RASAL2: variants seen among roughly 807,000 people sequenced by gnomAD.
The protein encoded by RASAL2 is RAS protein activator like 2.
In RASAL2, 58 loss-of-function variants were observed where a neutral mutation model predicts 128.9. That is an observed-to-expected ratio of 0.45 (90% CI 0.36 to 0.56). RASAL2 has a LOEUF of 0.56. RASAL2 is among the 20% of genes least tolerant of loss of function. The probability of loss-of-function intolerance (pLI) is 0.00; values close to 1 mark genes in which losing one functional copy is unlikely to be tolerated. For synonymous variants in RASAL2, 561 were observed against 580.8 expected (o/e 0.97, Z 0.49); for missense variants, 1,360 against 1,601.6 (o/e 0.85, Z 2.57).
chr1:178,414,296 G>A (rs1055022444), intron 4 of RASAL2, among the ~76,000 whole-genome samples: 2 of 152,182 alleles, frequency 1.3e-5, no homozygotes, highest in Non-Finnish European at 2.9e-5. Context: ...GCCAGGGGTT[G>A]GAGTGTGGGA....
intron 3 of RASAL2, among the ~76,000 whole-genome samples, chr1:178,347,899 C>T (rs1670233150): frequency 1.3e-5 from 2 of 152,202 alleles, no homozygotes; most frequent in Non-Finnish European, 2.9e-5. Flanking sequence ...TTTGAAACTA[C>T]CCAAATGCTC....
intron 1 of RASAL2, among the ~76,000 whole-genome samples, chr1:178,260,333 CAG>C (rs1201253239): frequency 1.2e-5 from 1 of 85,654 alleles, no homozygotes; most frequent in Admixed American, 1.6e-4. Flanking sequence ...GCCTGGGCGA[CAG>C]AGCGAGACTC....
At chr1:178,141,616 C>T (rs1660536475) in intron 1 of RASAL2, among the ~76,000 whole-genome samples, 1 of 152,074 alleles carries the variant, frequency 6.6e-6, no homozygotes. Flanking sequence ...CAACTGCTTC[C>T]TGCTTAATTG....
intron 1 of RASAL2, among the ~76,000 whole-genome samples, chr1:178,250,170 G>C (rs1206488383): frequency 6.6e-6 from 1 of 152,114 alleles, no homozygotes; most frequent in Admixed American, 6.5e-5. Flanking sequence ...CTGAAGCTGC[G>C]CCCACAGCCG....
intron 1 of RASAL2, among the ~76,000 whole-genome samples, chr1:178,188,099 A>G (rs183043370): frequency 6.6e-6 from 1 of 152,242 alleles, no homozygotes; most frequent in East Asian, 1.9e-4. Flanking sequence ...ATATCTCCCT[A>G]GCAGTTTTCT....
intron 1 of RASAL2, among the ~76,000 whole-genome samples, chr1:178,120,395 T>C (rs1432540976): frequency 6.6e-6 from 1 of 152,234 alleles, no homozygotes; most frequent in East Asian, 1.9e-4. Flanking sequence ...TAGAGTTAGC[T>C]TGTGGGCTTA....
chr1:178,472,416 G>C (rs1390090677), intron 17 of RASAL2, among the ~76,000 whole-genome samples: 1 of 152,082 alleles, frequency 6.6e-6, no homozygotes, highest in Non-Finnish European at 1.5e-5. Flanking sequence ...TGTGTTCTCT[G>C]TTTGTTCTCA....
chr1:178,199,263 T>G (rs1571619083), intron 1 of RASAL2, among the ~76,000 whole-genome samples: 1 of 152,152 alleles, frequency 6.6e-6, no homozygotes, highest in Non-Finnish European at 1.5e-5. Context: ...GCTTCCCGGG[T>G]GAGGTGATGC....
chr1:178,127,658 G>A (rs1375391203), intron 1 of RASAL2, among the ~76,000 whole-genome samples: 1 of 151,964 alleles, frequency 6.6e-6, no homozygotes, highest in Non-Finnish European at 1.5e-5. Flanking sequence ...GTTACTTTTA[G>A]GCTGGAGATA....
chr1:178,211,615 T>C (rs1663259429), intron 1 of RASAL2, among the ~76,000 whole-genome samples: 1 of 152,158 alleles, frequency 6.6e-6, no homozygotes, highest in Non-Finnish European at 1.5e-5. Context: ...TATTTGCCCA[T>C]GCTGTTCTCT....
At position 178,266,395 on chromosome 1, in the gene RASAL2, A is replaced by G. The variant is rs149331899; in HGVS notation, c.203-17169A>G. Among the ~76,000 whole-genome samples, 698 of 152,308 alleles carry G rather than the reference A, an allele frequency of 4.6e-3. 7 individuals carry two copies. The highest frequency in any genetic ancestry group is 0.014 in the African/African-American group (578 of 41,570). On this transcript the variant is annotated intron_variant, in intron 1 of 17. Coordinates refer to ENST00000367649, the MANE Select transcript of RASAL2 (RefSeq NM_170692.4). ...TTCTTTTTTGTGAAGTGAGCATTCA[A>G]GTCTTTTGCCTGTATTCAGCTGGTT... is the stretch of plus-strand genomic sequence containing the variant.
At chr1:178,105,528 G>A (rs2102231602) in intron 1 of RASAL2, among the ~76,000 whole-genome samples, 1 of 152,202 alleles carries the variant, frequency 6.6e-6, no homozygotes, top group Middle Eastern at 3.4e-3. Flanking sequence ...GTTTAATTCG[G>A]GCAGGATAGA....
intron 3 of RASAL2, among the ~76,000 whole-genome samples, chr1:178,321,872 C>T (rs1332761711): frequency 6.6e-6 from 1 of 151,662 alleles, no homozygotes; most frequent in East Asian, 1.9e-4. Flanking sequence ...TCTGTAATCC[C>T]AACTACTCGG....
intron 3 of RASAL2, among the ~76,000 whole-genome samples, chr1:178,308,728 A>G (rs963492128): frequency 3.3e-5 from 5 of 151,172 alleles, no homozygotes; most frequent in Non-Finnish European, 5.9e-5. Context: ...TTTTTAATTT[A>G]TTCTAGAGAC....
chr1:178,324,401 A>G (rs1050948388), intron 3 of RASAL2, among the ~76,000 whole-genome samples: 4 of 151,324 alleles, frequency 2.6e-5, no homozygotes, highest in African/African-American at 9.7e-5. Context: ...ACAGAGCAAG[A>G]CTCGATCTCT....
intron 3 of RASAL2, among the ~76,000 whole-genome samples, chr1:178,365,266 C>G (rs921865288): frequency 3.3e-5 from 5 of 152,208 alleles, no homozygotes; most frequent in African/African-American, 1.2e-4. Context: ...CAGCTCTAAT[C>G]TTATAATACC....
intron 3 of RASAL2, among the ~76,000 whole-genome samples, chr1:178,358,096 C>T (rs2102466330): frequency 6.6e-6 from 1 of 151,766 alleles, no homozygotes; most frequent in Non-Finnish European, 1.5e-5. Flanking sequence ...ATTAGCCAGG[C>T]GTGGTGGCAT....
chr1:178,421,664 A>G (rs1380143593), intron 5 of RASAL2, among the ~76,000 whole-genome samples: 1 of 151,720 alleles, frequency 6.6e-6, no homozygotes, highest in African/African-American at 2.4e-5. Context: ...TTTTTTTTCC[A>G]GTAAGTGACT....
intron 4 of RASAL2, among the ~76,000 whole-genome samples, chr1:178,413,803 G>C (rs1674570731): frequency 6.6e-6 from 1 of 152,080 alleles, no homozygotes; most frequent in Admixed American, 6.6e-5. Context: ...TGTAAGAAGA[G>C]AGATAGAAAT....
Sources: allele counts gnomAD v4.1 joint callset (sites outside exome capture counted in the v4.1 genomes callset), GRCh38; gene constraint gnomAD v4.1.1; transcripts MANE v1.5; gene names NCBI Gene and HGNC (gene_info 2026-07-23, HGNC 2026-07-21).